Variants in SPTLC2 observed in about 807,000 individuals in gnomAD.
SPTLC2 encodes serine palmitoyltransferase 2.
SPTLC2 carries 21 observed loss-of-function variants against 62.0 expected under a neutral mutation model. The ratio of observed to expected loss-of-function variants is 0.34; its 90% CI spans 0.24 to 0.49. The LOEUF is 0.49. Ranked by LOEUF, SPTLC2 falls within the 20% of genes least tolerant of loss-of-function variation. The pLI is 0.99. For missense variants in SPTLC2, 511 were observed against 713.0 expected (o/e 0.72, Z 3.23); for synonymous variants, 261 against 261.8 (o/e 1.00, Z 0.03).
At chr14:77,592,905 C>T (rs797016050) in intron 2 of SPTLC2, among the ~76,000 whole-genome samples, 2 of 152,164 alleles carry the variant, frequency 1.3e-5, no homozygotes, top group African/African-American at 2.4e-5. Flanking sequence ...AGTTTGAGAC[C>T]AGGCTGGCCA....
At chr14:77,543,142 C>A (rs1252893156) in intron 9 of SPTLC2, among the ~76,000 whole-genome samples, 1 of 152,196 alleles carries the variant, frequency 6.6e-6, no homozygotes, top group Non-Finnish European at 1.5e-5. Flanking sequence ...CTCCACCTCC[C>A]GGGTTCCAGT....
At chr14:77,562,076 C>A (rs145292232) in intron 6 of SPTLC2, among the ~76,000 whole-genome samples, 190 of 152,278 alleles carry the variant, frequency 1.2e-3, no homozygotes, top group African/African-American at 3.7e-3. Flanking sequence ...AGTCAGAGAT[C>A]TTGATTTATT....
Position 77,566,148 on chromosome 14 carries a change from C to CT in SPTLC2, c.757-3660dup, listed in dbSNP as rs374839396. ...GGCAAACCTGCAAAAGCATTATGTT[C>CT]TTTTTTTCTGGCAAAAAGGAACTCT... On this transcript the variant is annotated intron_variant, in intron 5 of 11. Coordinates refer to ENST00000216484, the MANE Select transcript of SPTLC2 (RefSeq NM_004863.4). Among the ~76,000 whole-genome samples the CT allele has an allele frequency of 2.7e-4, 41 of 152,116 alleles. 2 individuals carry two copies. Among genetic ancestry groups the CT allele is most frequent in the African/African-American group, 8.4e-4 (35 of 41,518 alleles).
intron 1 of SPTLC2, among the ~76,000 whole-genome samples, chr14:77,605,287 A>C (rs1418558340): frequency 6.6e-6 from 1 of 152,056 alleles, no homozygotes; most frequent in African/African-American, 2.4e-5. Context: ...CTGGAATTGC[A>C]GGCATAAGCC....
At position 77,557,982 on chromosome 14, in the gene SPTLC2, C is replaced by T. The variant is rs573584620; in HGVS notation, c.851-836G>A. 3.3e-5 allele frequency among the ~76,000 whole-genome samples: 5 copies of T among 152,244 alleles called. No individual in the cohort carries two copies. In the South Asian group the frequency reaches 1.0e-3, roughly 32 times the overall value. On this transcript the variant is annotated intron_variant, in intron 6 of 11. Transcript: ENST00000216484. ...TGAAATGAAGTCCTTAAAAAAAACT[C>T]CCCCAAATTTAAGCAACATTAAGTC... is the stretch of plus-strand genomic sequence containing the variant.
At chr14:77,615,767 T>C (rs176906) in intron 1 of SPTLC2, among the ~76,000 whole-genome samples, 13,693 of 152,256 alleles carry the variant, frequency 0.09, 828 homozygotes, top group Admixed American at 0.18. Context: ...ACAATCCCCT[T>C]GTGTGATAGC....
chr14:77,519,888 CTTTT>C (rs58938174), intron 10 of SPTLC2, among the ~76,000 whole-genome samples: 1 of 150,286 alleles, frequency 6.7e-6, no homozygotes, highest in Non-Finnish European at 1.5e-5. Flanking sequence ...TTCTCTAAAT[CTTTT>C]TTTTTTAACT....
chr14:77,578,923 T>G (rs1566786046), intron 3 of SPTLC2, 32 bp downstream of exon 3: 1 of 1,611,962 alleles, frequency 6.2e-7, no homozygotes, highest in East Asian at 2.2e-5. Flanking sequence ...CTTTTGTAAT[T>G]GTTGTCAAAT....
intron 4 of SPTLC2, among the ~76,000 whole-genome samples, chr14:77,572,385 CAGA>C (rs2079688920): frequency 6.6e-6 from 1 of 152,244 alleles, no homozygotes; most frequent in East Asian, 1.9e-4. Context: ...GGAAAATATA[CAGA>C]AGGATGATGC....
chr14:77,607,985 G>C (rs980181262), intron 1 of SPTLC2, among the ~76,000 whole-genome samples: 19 of 152,308 alleles, frequency 1.2e-4, no homozygotes, highest in Admixed American at 9.8e-4. Flanking sequence ...AAAGAGCAGA[G>C]GAAAGAGCTG....
intron 11 of SPTLC2, among the ~76,000 whole-genome samples, chr14:77,514,713 A>G (rs2079350140): frequency 1.3e-5 from 2 of 152,350 alleles, no homozygotes; most frequent in South Asian, 4.1e-4. Flanking sequence ...TTCTAAGTAT[A>G]TTCACAGAGT....
intron 5 of SPTLC2, among the ~76,000 whole-genome samples, chr14:77,568,202 T>C (rs924553669): frequency 2.0e-5 from 3 of 152,252 alleles, no homozygotes; most frequent in African/African-American, 7.2e-5. Flanking sequence ...CTGTTTTTTC[T>C]TCTTTGGCCC....
chr14:77,550,302 C>T (rs181612236), intron 9 of SPTLC2, among the ~76,000 whole-genome samples: 47 of 152,336 alleles, frequency 3.1e-4, no homozygotes, highest in African/African-American at 7.7e-4. Flanking sequence ...CGACTGGGCG[C>T]GGTGGCTTAC....
At chr14:77,578,469 C>A (rs2079729369) in intron 3 of SPTLC2, among the ~76,000 whole-genome samples, 1 of 152,012 alleles carries the variant, frequency 6.6e-6, no homozygotes, top group Admixed American at 6.5e-5. Flanking sequence ...GTAATCCCAG[C>A]ACTTTGGGAG....
chr14:77,517,015 G>A (rs532430434), intron 11 of SPTLC2, among the ~76,000 whole-genome samples: 1 of 152,374 alleles, frequency 6.6e-6, no homozygotes, highest in African/African-American at 2.4e-5. Flanking sequence ...GGGAGGCTGA[G>A]GCAGGCGGAT....
rs780345332 is a variant in SPTLC2 at position 77,570,462 on chromosome 14, G to A, written c.678C>T (p.Phe226=). The A allele has an allele frequency of 6.2e-7, 1 of 1,613,870 alleles. No individual in the cohort carries two copies. Among genetic ancestry groups the A allele is most frequent in the East Asian group, 2.2e-5 (1 of 44,872 alleles). Residue 226 remains phenylalanine, a synonymous_variant, in exon 5 of 12, where the codon TTC becomes TTT. Coordinates refer to ENST00000216484, the MANE Select transcript of SPTLC2 (RefSeq NM_004863.4). ...HEELEELVAR[F]LGVEAAMAYG... ...ACGCCATAGCAGCTTCTACTCCTAA[G>A]AACCTTGCTACAAGCTCCTCTAGTT...
In SPTLC2 at chr14:77,510,138, C is replaced by A; in HGVS notation, c.*2146G>T. 5.1e-6 allele frequency: 2 copies of A among 392,204 alleles called. No homozygotes were observed. The highest frequency in any genetic ancestry group is 9.0e-6 in the Non-Finnish European group (2 of 222,722). The allele number at this position is 392,204 out of a possible 1,614,324, so 24.3% of individuals were successfully genotyped here. On this transcript the variant is annotated 3_prime_UTR_variant, in exon 12 of 12. Transcript: ENST00000216484. ...ATTTTATAGGACTCCTATTTAGTTA[C>A]CACAACCTCCTTCTTACTTTAACCT...
intron 2 of SPTLC2, among the ~76,000 whole-genome samples, chr14:77,582,438 C>T (rs955588021): frequency 4.6e-5 from 7 of 152,100 alleles, no homozygotes; most frequent in Non-Finnish European, 1.0e-4. Context: ...TATTTCCTTA[C>T]AGACAAATTT....
intron 7 of SPTLC2, among the ~76,000 whole-genome samples, chr14:77,556,147 A>T (rs2079582219): frequency 6.6e-6 from 1 of 151,472 alleles, no homozygotes; most frequent in African/African-American, 2.4e-5. Flanking sequence ...ACACAGTGAA[A>T]CCCCGTCTCT....
Sources: allele counts gnomAD v4.1 joint callset (sites outside exome capture counted in the v4.1 genomes callset), GRCh38; gene constraint gnomAD v4.1.1; transcripts MANE v1.5; gene names NCBI Gene and HGNC (gene_info 2026-07-23, HGNC 2026-07-21).